KIF26B: variants seen among roughly 807,000 people sequenced by gnomAD.
The protein encoded by KIF26B is kinesin family member 26B, also known as kinesin-like protein KIF26B.
Under a neutral mutation model 151.2 loss-of-function variants are expected in KIF26B, and 63 were observed. The observed-to-expected ratio is 0.42, with a 90% CI of 0.34 to 0.51. The LOEUF (loss-of-function observed/expected upper bound fraction) is 0.51. KIF26B is among the 20% of genes least tolerant of loss of function. The probability of loss-of-function intolerance (pLI) is 0.07; values close to 1 mark genes in which losing one functional copy is unlikely to be tolerated. For missense variants in KIF26B, 2,813 were observed against 2,913.6 expected (o/e 0.97, Z 0.79); for synonymous variants, 1,357 against 1,262.1 (o/e 1.08, Z -1.59).
intron 2 of KIF26B, among the ~76,000 whole-genome samples, chr1:245,267,488 T>C (rs1670767307): frequency 6.6e-6 from 1 of 152,194 alleles, no homozygotes; most frequent in Non-Finnish European, 1.5e-5. Context: ...TTTACTCTTT[T>C]CTGAAATCTC....
At chr1:245,654,883 T>C (rs761588970) in intron 10 of KIF26B, among the ~76,000 whole-genome samples, 1 of 152,232 alleles carries the variant, frequency 6.6e-6, no homozygotes, top group East Asian at 1.9e-4. Context: ...AAGGAAGAGA[T>C]AAGCAAGAGG....
In KIF26B at chr1:245,489,045, C is replaced by T. The variant is rs371292461; in HGVS notation, c.1167-51722C>T. 4.6e-5 allele frequency among the ~76,000 whole-genome samples: 7 copies of T among 152,194 alleles called. No homozygotes were observed. The South Asian group carries it at 6.2e-4, about 14-fold the overall frequency. On this transcript the variant is annotated intron_variant, in intron 4 of 14. Coordinates refer to ENST00000407071, the MANE Select transcript of KIF26B (RefSeq NM_018012.4). ...CAGTGGATTTGCATGGACAGGAAAG[C>T]GAATTCTCATCTCTTCCAATCACTG...
At chr1:245,330,947 G>A (rs2102991279) in intron 2 of KIF26B, among the ~76,000 whole-genome samples, 1 of 152,092 alleles carries the variant, frequency 6.6e-6, no homozygotes, top group South Asian at 2.1e-4. Context: ...CCCGCAGAGA[G>A]AGAGCCCACG....
chr1:245,427,166 G>A (rs183715957), intron 4 of KIF26B, among the ~76,000 whole-genome samples: 5 of 152,274 alleles, frequency 3.3e-5, no homozygotes, highest in East Asian at 1.9e-4. Context: ...TGATCTAGGC[G>A]GAGGAAAAAT....
At position 245,646,127 on chromosome 1, in the gene KIF26B, G is replaced by C; in HGVS notation, c.2105G>C (p.Gly702Ala). ...MEKSGKGGMS[G>A]GRSRLHLIDL... ...ATCTTCTCCCCTGTGGTAGTGTCTG[G>C]AGGTCGCAGCCGCCTGCATCTCATT... The change falls in exon 10 of 15, where the codon GGA becomes GCA. Residue 702 changes from glycine (G) to alanine (A), a missense_variant. Physicochemically the swap from Gly to Ala is moderately conservative, Grantham distance 60. Transcript: ENST00000407071. 6.2e-7 allele frequency: 1 copy of C among 1,613,912 alleles called. No individual in the cohort carries two copies. Among genetic ancestry groups the C allele is most frequent in the Non-Finnish European group, 8.5e-7 (1 of 1,179,834 alleles).
intron 2 of KIF26B, among the ~76,000 whole-genome samples, chr1:245,243,465 C>T (rs550237969): frequency 0.037 from 5,612 of 151,378 alleles, 133 homozygotes; most frequent in Non-Finnish European, 0.042. Context: ...CACACACACA[C>T]ACACACATAT....
chr1:245,556,136 A>G (rs1662019436), intron 5 of KIF26B, among the ~76,000 whole-genome samples: 1 of 152,170 alleles, frequency 6.6e-6, no homozygotes, highest in Non-Finnish European at 1.5e-5. Flanking sequence ...TATGCTGGCT[A>G]TGCTATGACC....
At chr1:245,341,185 C>T (rs1443508720) in intron 2 of KIF26B, among the ~76,000 whole-genome samples, 1 of 151,958 alleles carries the variant, frequency 6.6e-6, no homozygotes, top group Admixed American at 6.6e-5. Flanking sequence ...AGGGGAGCTC[C>T]GGAGCTGCGT....
Position 245,540,845 on chromosome 1 carries a change from C to A in KIF26B, c.1245C>A (p.Leu415=). The part of the protein sequence containing the change: ...PSTSSAAEPP[L]FATSFSGILQ... ...CTTCTTCCGCTGCCGAACCACCGCT[C>A]TTTGCAACCAGCTTCAGTGGGATTC... is the stretch of plus-strand genomic sequence containing the variant. The change falls in exon 5 of 15, where the codon CTC becomes CTA. Residue 415 remains leucine (L), a synonymous_variant. Coordinates refer to ENST00000407071, the MANE Select transcript of KIF26B (RefSeq NM_018012.4). The surrounding 1 kb of genome is among the most constrained non-coding windows in gnomAD (Gnocchi z 4.6). 1 of 1,614,000 alleles carries A rather than the reference C, an allele frequency of 6.2e-7. No homozygotes were observed. The highest frequency in any genetic ancestry group is 8.5e-7 in the Non-Finnish European group (1 of 1,179,882).
chr1:245,650,046 C>G (rs1047930098), intron 10 of KIF26B, among the ~76,000 whole-genome samples: 1 of 152,184 alleles, frequency 6.6e-6, no homozygotes, highest in African/African-American at 2.4e-5. Flanking sequence ...GCTTGCCGGC[C>G]AGTCCAGGCG....
intron 5 of KIF26B, among the ~76,000 whole-genome samples, chr1:245,570,521 T>G (rs1489073319): frequency 2.0e-5 from 3 of 152,206 alleles, no homozygotes; most frequent in Non-Finnish European, 2.9e-5. Context: ...CCCGTAAGTA[T>G]TTTGGATCTT....
chr1:245,356,807 T>G (rs1672710950), intron 2 of KIF26B, among the ~76,000 whole-genome samples: 1 of 152,146 alleles, frequency 6.6e-6, no homozygotes, highest in Admixed American at 6.5e-5. Flanking sequence ...AGTTAGAAGG[T>G]GGCCATGCTG....
intron 10 of KIF26B, among the ~76,000 whole-genome samples, chr1:245,662,760 C>T (rs1383433715): frequency 3.3e-4 from 5 of 15,228 alleles, no homozygotes; most frequent in South Asian, 2.3e-3. Flanking sequence ...GATATATATA[C>T]ACACACACAC....
chr1:245,563,205 A>G lies in KIF26B; in HGVS notation c.1350+22255A>G, dbSNP rs2042972964. 6.6e-6 allele frequency among the ~76,000 whole-genome samples: 1 copy of G among 152,118 alleles called. No individual in the cohort carries two copies. Among genetic ancestry groups the G allele is most frequent in the African/African-American group, 2.4e-5 (1 of 41,408 alleles). ...AAATGCCAGTCAGTGTCTCTTCCCA[A>G]AGACCCCCACTGAACCCATCAGATG... On this transcript the variant is annotated intron_variant, in intron 5 of 14. Coordinates refer to ENST00000407071, the MANE Select transcript of KIF26B (RefSeq NM_018012.4). The surrounding 1 kb of genome is among the most constrained non-coding windows in gnomAD (Gnocchi z 4.6).
intron 5 of KIF26B, among the ~76,000 whole-genome samples, chr1:245,567,328 A>C (rs543921937): frequency 6.6e-6 from 1 of 152,304 alleles, no homozygotes; most frequent in East Asian, 1.9e-4. Flanking sequence ...TTTTCAGGAA[A>C]TGTTTCAAGC....
chr1:245,468,597 CT>C (rs752756203), intron 4 of KIF26B, among the ~76,000 whole-genome samples: 2 of 152,052 alleles, frequency 1.3e-5, no homozygotes, highest in Non-Finnish European at 2.9e-5. Context: ...ATAAGAAAGC[CT>C]TTGCTGAGAA....
chr1:245,484,840 G>C (rs1660246194), intron 4 of KIF26B, among the ~76,000 whole-genome samples: 1 of 151,406 alleles, frequency 6.6e-6, no homozygotes, highest in African/African-American at 2.4e-5. Context: ...GTCGATTTGT[G>C]TGAGAGGGCC....
At chr1:245,378,461 G>T (rs1673327333) in intron 3 of KIF26B, among the ~76,000 whole-genome samples, 1 of 152,288 alleles carries the variant, frequency 6.6e-6, no homozygotes, top group Admixed American at 6.5e-5. Flanking sequence ...GGTGAAACAG[G>T]TGGGAGAGAA....
intron 5 of KIF26B, among the ~76,000 whole-genome samples, chr1:245,598,640 T>C (rs1321150111): frequency 6.6e-6 from 1 of 151,532 alleles, no homozygotes; most frequent in Non-Finnish European, 1.5e-5. Flanking sequence ...GGAGTGTCTG[T>C]GCAGTTTGGG....
Sources: allele counts gnomAD v4.1 joint callset (sites outside exome capture counted in the v4.1 genomes callset), GRCh38; gene constraint gnomAD v4.1.1; non-coding constraint Gnocchi (gnomAD v3.1); transcripts MANE v1.5; gene names NCBI Gene and HGNC (gene_info 2026-07-23, HGNC 2026-07-21).